Variants in DYM observed in about 807,000 individuals in gnomAD.
DYM encodes dyggve-Melchior-Clausen syndrome protein.
Under a neutral mutation model 93.1 loss-of-function variants are expected in DYM, and 78 were observed. That is an observed-to-expected ratio of 0.84 (90% CI 0.70 to 1.01). The LOEUF (loss-of-function observed/expected upper bound fraction) is 1.01. DYM is among the 50% of genes least tolerant of loss of function. The pLI is 0.00. For synonymous variants in DYM, 321 were observed against 319.7 expected (o/e 1.00, Z -0.04); for missense variants, 789 against 845.0 (o/e 0.93, Z 0.82).
At chr18:49,373,885 C>A (rs2067258658) in intron 5 of DYM, among the ~76,000 whole-genome samples, 1 of 152,080 alleles carries the variant, frequency 6.6e-6, no homozygotes, top group South Asian at 2.1e-4. Flanking sequence ...ACTTACCAAG[C>A]AGAACTATGT....
At position 49,132,828 on chromosome 18, in the gene DYM, C is replaced by A. The variant is rs796969313; in HGVS notation, c.1729-13902G>T. Among the ~76,000 whole-genome samples, 113 of 152,146 alleles carry A rather than the reference C, an allele frequency of 7.4e-4. 2 individuals carry two copies. The highest frequency in any genetic ancestry group is 2.7e-3 in the African/African-American group (112 of 41,514). On this transcript the variant is annotated intron_variant, in intron 15 of 17. Transcript: ENST00000675505. ...GTAAATATTCAAAGGAGAAAAAAGTCATGATCATCTTAATAGATTTTGAAA... is the reference window on the plus strand; with the variant it reads ...GTAAATATTCAAAGGAGAAAAAAGTAATGATCATCTTAATAGATTTTGAAA...
intron 14 of DYM, among the ~76,000 whole-genome samples, chr18:49,203,072 G>A (rs113234793): frequency 9.1e-5 from 1 of 10,958 alleles, no homozygotes; most frequent in Non-Finnish European, 2.6e-4. Flanking sequence ...CCCTCCGCCC[G>A]GCCAGCCGCC....
At chr18:49,366,154 T>A (rs919925526) in intron 5 of DYM, among the ~76,000 whole-genome samples, 1 of 152,192 alleles carries the variant, frequency 6.6e-6, no homozygotes, top group African/African-American at 2.4e-5. Flanking sequence ...GTATTTTAAG[T>A]GAAGATTGAC....
At chr18:49,066,182 A>G (rs2076372783) in intron 17 of DYM, among the ~76,000 whole-genome samples, 1 of 150,358 alleles carries the variant, frequency 6.7e-6, no homozygotes, top group African/African-American at 2.4e-5. Flanking sequence ...GCAGAAGGTG[A>G]ACACTTATGG....
intron 16 of DYM, among the ~76,000 whole-genome samples, chr18:49,107,563 G>A (rs2145778643): frequency 6.6e-6 from 1 of 152,232 alleles, no homozygotes; most frequent in East Asian, 1.9e-4. Flanking sequence ...TTTGATGATG[G>A]TCATGTACAG....
intron 15 of DYM, among the ~76,000 whole-genome samples, chr18:49,148,500 C>T (rs533827423): frequency 6.6e-6 from 1 of 152,234 alleles, no homozygotes; most frequent in East Asian, 1.9e-4. Context: ...TCAAGATATT[C>T]TCCTGCCTCA....
chr18:49,438,834 G>A (rs1221188625), intron 1 of DYM, among the ~76,000 whole-genome samples: 2 of 152,196 alleles, frequency 1.3e-5, no homozygotes, highest in South Asian at 2.1e-4. Flanking sequence ...GAGCCCCAAT[G>A]GCATCTCTTC....
At chr18:49,150,935 G>T (rs1258015180) in intron 15 of DYM, among the ~76,000 whole-genome samples, 1 of 152,148 alleles carries the variant, frequency 6.6e-6, no homozygotes, top group Non-Finnish European at 1.5e-5. Context: ...GGATTGTTTA[G>T]TTCTGAAATG....
chr18:49,396,232 C>T (rs2070059809), intron 2 of DYM, among the ~76,000 whole-genome samples: 1 of 152,000 alleles, frequency 6.6e-6, no homozygotes, highest in Non-Finnish European at 1.5e-5. Flanking sequence ...CAAAACAGAC[C>T]AAGACGTTAG....
At chr18:49,108,730 A>G (rs2081114482) in intron 16 of DYM, among the ~76,000 whole-genome samples, 1 of 152,316 alleles carries the variant, frequency 6.6e-6, no homozygotes, top group South Asian at 2.1e-4. Context: ...GAACTCATCA[A>G]GTTGGTGGTT....
At chr18:49,308,886 GGC>G in intron 8 of DYM, among the ~76,000 whole-genome samples, 1 of 152,172 alleles carries the variant, frequency 6.6e-6, no homozygotes, top group Non-Finnish European at 1.5e-5. Flanking sequence ...TATCTGGAAT[GGC>G]AAAATACTGA....
At chr18:49,243,666 C>CAAAAAAAA (rs59748721) in intron 13 of DYM, among the ~76,000 whole-genome samples, 1 of 114,214 alleles carries the variant, frequency 8.8e-6, no homozygotes, top group Non-Finnish European at 1.7e-5. Flanking sequence ...GGCTCTGTCT[C>CAAAAAAAA]AAAAAAAAAA....
intron 11 of DYM, among the ~76,000 whole-genome samples, chr18:49,260,747 G>A (rs952295279): frequency 6.6e-6 from 1 of 151,908 alleles, no homozygotes; most frequent in Non-Finnish European, 1.5e-5. Flanking sequence ...AATGTCTCAA[G>A]ATTTTTGAGG....
intron 15 of DYM, among the ~76,000 whole-genome samples, chr18:49,145,873 T>C (rs1238895110): frequency 6.6e-6 from 1 of 152,170 alleles, no homozygotes. Context: ...ATTTTACTTG[T>C]TTTCTTTTTA....
intron 14 of DYM, among the ~76,000 whole-genome samples, chr18:49,177,647 T>G (rs2089527223): frequency 6.6e-6 from 1 of 152,146 alleles, no homozygotes; most frequent in Non-Finnish European, 1.5e-5. Flanking sequence ...TCCATTTATT[T>G]CAACTTCCTT....
intron 2 of DYM, among the ~76,000 whole-genome samples, chr18:49,425,406 A>G (rs1568423490): frequency 6.6e-6 from 1 of 152,234 alleles, no homozygotes; most frequent in Non-Finnish European, 1.5e-5. Flanking sequence ...AGATGGATTA[A>G]AGACTGACAT....
intron 17 of DYM, among the ~76,000 whole-genome samples, chr18:49,082,427 C>G (rs1180986884): frequency 1.3e-5 from 2 of 152,178 alleles, no homozygotes; most frequent in Non-Finnish European, 2.9e-5. Context: ...GAAGCAAAAA[C>G]TTAATTCCCA....
intron 17 of DYM, among the ~76,000 whole-genome samples, chr18:49,093,799 T>C (rs1377067051): frequency 6.6e-6 from 1 of 152,082 alleles, no homozygotes; most frequent in African/African-American, 2.4e-5. Flanking sequence ...CGAAAGATGC[T>C]TAGGGTGAGA....
intron 17 of DYM, among the ~76,000 whole-genome samples, chr18:49,054,705 A>G (rs762290327): frequency 3.3e-5 from 5 of 152,182 alleles, no homozygotes; most frequent in Non-Finnish European, 7.3e-5. Context: ...ACACAGAGGG[A>G]CTTGGGCAGG....
Sources: allele counts gnomAD v4.1 joint callset (sites outside exome capture counted in the v4.1 genomes callset), GRCh38; gene constraint gnomAD v4.1.1; transcripts MANE v1.5; gene names NCBI Gene and HGNC (gene_info 2026-07-23, HGNC 2026-07-21).